The following PPFIA2 variants were observed in gnomAD, a reference collection of about 807,000 sequenced individuals.
PPFIA2 encodes the protein liprin-alpha-2.
Under a neutral mutation model 175.5 loss-of-function variants are expected in PPFIA2, and 46 were observed. The ratio of observed to expected loss-of-function variants is 0.26; its 90% confidence interval spans 0.21 to 0.34. The LOEUF (loss-of-function observed/expected upper bound fraction) is 0.34, where lower values mean the gene tolerates loss of function less well. PPFIA2 is among the 10% of genes least tolerant of loss of function. PPFIA2 has a pLI of 1.00. For missense variants in PPFIA2, 1,179 were observed against 1,506.1 expected, an observed-to-expected ratio of 0.78 and a Z score of 3.60; for synonymous variants, 568 against 511.4, an observed-to-expected ratio of 1.11 and a Z score of -1.49.
At chr12:81,374,228 C>T (rs2035852260) in intron 11 of PPFIA2, among the ~76,000 whole-genome samples, 1 of 152,062 alleles carries the variant, frequency 6.6e-6, no homozygotes, top group African/African-American at 2.4e-5. Context: ...AAGTTTTATA[C>T]TGTAGTTGGA....
Position 81,347,576 on chromosome 12 carries a change from C to T in PPFIA2, c.2189G>A (p.Arg730Gln), listed in dbSNP as rs2059287315. The change falls in exon 18 of 33, where the codon CGA (arginine) becomes CAA (glutamine). Residue 730 changes from arginine to glutamine, a missense_variant. Coordinates refer to ENST00000549396, the MANE Select transcript of PPFIA2 (RefSeq NM_003625.5). ...CCGATCCATTTCCCTGGCAGGGCTT[C>T]GAGGGGTGAGCTTTGGAGTTGAGTG... is the stretch of plus-strand genomic sequence containing the variant. ...SGHSTPKLTP[R>Q]SPAREMDRMG... The T allele has an allele frequency of 3.1e-6, 5 of 1,613,394 alleles. No homozygotes were observed. The highest frequency in any genetic ancestry group is 1.3e-5 in the African/African-American group (1 of 74,870).
chr12:81,667,924 T>C (rs1027965805), intron 4 of PPFIA2, among the ~76,000 whole-genome samples: 5 of 152,046 alleles, frequency 3.3e-5, no homozygotes, highest in African/African-American at 1.2e-4. Context: ...TTCTTCTAGG[T>C]TGGGGCAGGG....
intron 3 of PPFIA2, among the ~76,000 whole-genome samples, chr12:81,743,090 T>C (rs750179447): frequency 1.3e-5 from 2 of 151,886 alleles, no homozygotes; most frequent in African/African-American, 2.4e-5. Context: ...AGAGAAAATT[T>C]GGGGAGAAAA....
intron 4 of PPFIA2, among the ~76,000 whole-genome samples, chr12:81,539,551 A>G (rs2065901225): frequency 1.3e-5 from 2 of 151,982 alleles, no homozygotes; most frequent in African/African-American, 4.8e-5. Context: ...TACCCCACCC[A>G]TGCCATAACG....
intron 4 of PPFIA2, among the ~76,000 whole-genome samples, chr12:81,527,675 C>A (rs974627908): frequency 6.6e-6 from 1 of 152,044 alleles, no homozygotes; most frequent in Non-Finnish European, 1.5e-5. Flanking sequence ...TTCTGATGGA[C>A]TGAATTCTTA....
intron 4 of PPFIA2, among the ~76,000 whole-genome samples, chr12:81,646,696 A>G (rs1445745286): frequency 6.6e-6 from 1 of 152,242 alleles, no homozygotes; most frequent in African/African-American, 2.4e-5. Context: ...GAATGTGTCC[A>G]TAGTGACACT....
intron 30 of PPFIA2, among the ~76,000 whole-genome samples, chr12:81,263,770 G>A (rs1036171638): frequency 1.2e-4 from 18 of 152,128 alleles, no homozygotes; most frequent in African/African-American, 4.3e-4. Context: ...TTGTTGAGTA[G>A]ACTACATTTA....
At chr12:81,497,525 G>A (rs1299081241) in intron 4 of PPFIA2, among the ~76,000 whole-genome samples, 1 of 128,690 alleles carries the variant, frequency 7.8e-6, no homozygotes, top group African/African-American at 2.9e-5. Flanking sequence ...CTATTTCATT[G>A]ATGTCTTTTT....
At chr12:81,450,814 A>T (rs1032518660) in intron 5 of PPFIA2, among the ~76,000 whole-genome samples, 2 of 152,226 alleles carry the variant, frequency 1.3e-5, no homozygotes, top group East Asian at 3.9e-4. Flanking sequence ...TAATTTTTGT[A>T]TAAGGTGTAA....
intron 4 of PPFIA2, among the ~76,000 whole-genome samples, chr12:81,482,167 G>A (rs1330296051): frequency 1.3e-5 from 2 of 152,160 alleles, no homozygotes; most frequent in African/African-American, 2.4e-5. Flanking sequence ...TTAAAGAAAT[G>A]CACATTAAAA....
chr12:81,595,752 T>C (rs1210846801), intron 4 of PPFIA2, among the ~76,000 whole-genome samples: 1 of 152,198 alleles, frequency 6.6e-6, no homozygotes, highest in African/African-American at 2.4e-5. Context: ...TTAGGTCAAA[T>C]ACATTCTAAA....
chr12:81,312,161 C>T, intron 22 of PPFIA2: 3 of 1,534,924 alleles, frequency 2.0e-6, no homozygotes, highest in Non-Finnish European at 1.7e-6. Context: ...TCAACTTACC[C>T]AGATGTGCTT....
At chr12:81,700,404 C>T (rs1003780810) in intron 3 of PPFIA2, among the ~76,000 whole-genome samples, 1 of 152,062 alleles carries the variant, frequency 6.6e-6, no homozygotes, top group African/African-American at 2.4e-5. Context: ...TTCCCATTCT[C>T]ATGCTTTATA....
intron 11 of PPFIA2, among the ~76,000 whole-genome samples, chr12:81,373,494 C>T (rs191291932): frequency 6.6e-6 from 1 of 151,930 alleles, no homozygotes; most frequent in Non-Finnish European, 1.5e-5. Flanking sequence ...GAGTGGTTTA[C>T]TGGCATGGTT....
intron 17 of PPFIA2, among the ~76,000 whole-genome samples, chr12:81,351,913 A>C (rs2060077401): frequency 6.6e-6 from 1 of 152,076 alleles, no homozygotes; most frequent in Non-Finnish European, 1.5e-5. Flanking sequence ...TTAAATAAAA[A>C]AAAATCTGAA....
At chr12:81,541,920 A>C (rs753288275) in intron 4 of PPFIA2, among the ~76,000 whole-genome samples, 16 of 152,106 alleles carry the variant, frequency 1.1e-4, no homozygotes, top group Non-Finnish European at 1.8e-4. Flanking sequence ...TTTGAAGACT[A>C]GAATGATTGG....
chr12:81,729,992 A>G (rs1285887107), intron 3 of PPFIA2, among the ~76,000 whole-genome samples: 2 of 151,570 alleles, frequency 1.3e-5, no homozygotes, highest in African/African-American at 2.4e-5. Context: ...CTTTGCTGAC[A>G]CCTTAATTTT....
At chr12:81,439,203 T>A (rs2049687146) in intron 7 of PPFIA2, among the ~76,000 whole-genome samples, 1 of 149,632 alleles carries the variant, frequency 6.7e-6, no homozygotes, top group Non-Finnish European at 1.5e-5. Context: ...ATATATAATT[T>A]TATTTTATCT....
At chr12:81,728,953 T>A (rs966975655) in intron 3 of PPFIA2, among the ~76,000 whole-genome samples, 1 of 151,354 alleles carries the variant, frequency 6.6e-6, no homozygotes, top group Non-Finnish European at 1.5e-5. Flanking sequence ...CTATCTGTAG[T>A]CAACTCTGAA....
Sources: gnomAD v4.1 joint callset for allele counts (sites outside exome capture counted in the v4.1 genomes callset) on GRCh38, gnomAD v4.1.1 for gene constraint, MANE v1.5 for transcripts, NCBI Gene and HGNC (gene_info 2026-07-23, HGNC 2026-07-21) for gene names.